The following ATP23 variants were observed in gnomAD, a reference collection of about 807,000 sequenced individuals.
ATP23 encodes the protein ATP23 metallopeptidase and ATP synthase assembly factor homolog.
In ATP23, 24 loss-of-function variants were observed where a neutral mutation model predicts 28.5. That is an observed-to-expected ratio of 0.84 (90% confidence interval 0.61 to 1.18). The LOEUF (loss-of-function observed/expected upper bound fraction) is 1.18, where lower values mean the gene tolerates loss of function less well. ATP23 is among the 50% of genes most tolerant of loss of function. The probability of loss-of-function intolerance (pLI) is 0.00; values close to 1 mark genes in which losing one functional copy is unlikely to be tolerated. For missense variants in ATP23, 274 were observed against 306.4 expected (o/e 0.89, Z 0.79); for synonymous variants, 99 against 108.6 (o/e 0.91, Z 0.55).
chr12:57,944,940 G>T (rs999569883), intron 1 of ATP23, among the ~76,000 whole-genome samples: 12 of 152,142 alleles, frequency 7.9e-5, no homozygotes, highest in African/African-American at 2.9e-4. Flanking sequence ...TGGTATTGCC[G>T]GTATGATCTG....
At position 57,958,532 on chromosome 12, in the gene ATP23, G is replaced by A. The variant is rs1956889990; in HGVS notation, c.*1642G>A. On this transcript the variant is annotated 3_prime_UTR_variant, in exon 6 of 6. Coordinates refer to ENST00000300145, the MANE Select transcript of ATP23 (RefSeq NM_033276.4). ...AACAGGTGCTGGTATCCACAGCCGA[G>A]AGACCCATAGACGGTTCACATCACA... Among the ~76,000 whole-genome samples, 1 of 152,158 alleles carries A rather than the reference G, an allele frequency of 6.6e-6. No individual in the cohort carries two copies. The highest frequency in any genetic ancestry group is 2.4e-5 in the African/African-American group (1 of 41,426).
At chr12:57,944,969 G>A (rs976507544) in intron 1 of ATP23, among the ~76,000 whole-genome samples, 1 of 152,270 alleles carries the variant, frequency 6.6e-6, no homozygotes, top group East Asian at 1.9e-4. Context: ...AGAACAGTGT[G>A]GCTACTGGCT....
chr12:57,942,419 A>G (rs1380401517), intron 1 of ATP23, among the ~76,000 whole-genome samples: 1 of 144,624 alleles, frequency 6.9e-6, no homozygotes, highest in Non-Finnish European at 1.5e-5. Flanking sequence ...GTGTGCCCCT[A>G]AGTGCATTTT....
intron 1 of ATP23, among the ~76,000 whole-genome samples, chr12:57,942,649 T>C (rs548667248): frequency 6.6e-6 from 1 of 152,270 alleles, no homozygotes; most frequent in East Asian, 1.9e-4. Context: ...GGTCTTGATC[T>C]CCTGACCTCG....
In ATP23 at chr12:57,941,819, G is replaced by A. The variant is rs773393880; in HGVS notation, c.118G>A (p.Gly40Arg). The A allele has an allele frequency of 1.4e-5, 23 of 1,612,740 alleles. No homozygotes were observed. Among genetic ancestry groups the A allele is most frequent in the Non-Finnish European group, 1.9e-5 (22 of 1,179,588 alleles). The change falls in exon 1 of 6, where the codon GGG (glycine) becomes AGG (arginine). Residue 40 changes from glycine (G) to arginine (R), a missense_variant. By Grantham distance (125) the Gly-to-Arg change is moderately radical. Coordinates refer to ENST00000300145, the MANE Select transcript of ATP23 (RefSeq NM_033276.4). ...TCTGGCCCAGGGGAATCCCCAGCAA[G>A]GGTTCTTCTCCAGCTTCTTCACCAG... Reference protein sequence around the residue: ...ERLAQGNPQQGFFSSFFTSNQ... With the variant: ...ERLAQGNPQQRFFSSFFTSNQ...
intron 1 of ATP23, among the ~76,000 whole-genome samples, chr12:57,944,614 C>A (rs895197906): frequency 7.2e-5 from 11 of 152,238 alleles, no homozygotes; most frequent in Non-Finnish European, 1.6e-4. Context: ...AATCTACTGT[C>A]TATTGTTTCA....
Position 57,941,759 on chromosome 12 carries a change from CA to C in ATP23, c.59del (p.Gln20ArgfsTer38). 6.3e-7 allele frequency: 1 copy of C among 1,599,318 alleles called. No homozygotes were observed. Among genetic ancestry groups the C allele is most frequent in the South Asian group, 1.1e-5 (1 of 89,076 alleles). On this transcript the variant is annotated frameshift_variant, in exon 1 of 6. Coordinates refer to ENST00000300145, the MANE Select transcript of ATP23 (RefSeq NM_033276.4). LOFTEE classifies it high-confidence loss of function. ...RGPAAGEQLQ[Q>X]QHVSCQVFPE... ...CCCCGCGGCAGGGGAGCAGCTGCAG[CA>C]GCAACACGTCTCTTGCCAGGTCTTC...
Position 57,957,418 on chromosome 12 carries a change from T to C in ATP23, c.*528T>C, listed in dbSNP as rs1956878993. 6.6e-6 allele frequency: 1 copy of C among 152,658 alleles called. No homozygotes were observed. The highest frequency in any genetic ancestry group is 1.5e-5 in the Non-Finnish European group (1 of 68,462). 9.5% of individuals were successfully genotyped at this position (152,658 alleles called of 1,614,324 possible). A position where few individuals can be genotyped will look rare whatever the true frequency, so the allele number is the denominator to read the frequency against. On this transcript the variant is annotated 3_prime_UTR_variant, in exon 6 of 6. Coordinates refer to ENST00000300145, the MANE Select transcript of ATP23 (RefSeq NM_033276.4). ...TTTTCTGGGGACAGTCCTGGTTAGA[T>C]CTTTTTCTTTTTAATAAAGGCAGTG...
At chr12:57,945,117 G>T (rs1009055856) in intron 1 of ATP23, among the ~76,000 whole-genome samples, 4 of 152,340 alleles carry the variant, frequency 2.6e-5, no homozygotes, top group East Asian at 1.9e-4. Context: ...AGTTGATATT[G>T]TCTAAGATGC....
chr12:57,941,939 G>A (rs1398536795), intron 1 of ATP23, 51 bp downstream of exon 1: 1 of 1,586,152 alleles, frequency 6.3e-7, no homozygotes, highest in Non-Finnish European at 8.6e-7. Flanking sequence ...GTCTGAGACC[G>A]GGTGGGCGAG....
At chr12:57,953,459 C>T (rs1377010318) in intron 4 of ATP23, 147 bp from the exon 5 acceptor site, 3 of 649,084 alleles carry the variant, frequency 4.6e-6, no homozygotes, top group Non-Finnish European at 7.8e-6. Flanking sequence ...TTTAAAAAGT[C>T]CTTTAAGAAG....
chr12:57,946,936 A>G, intron 2 of ATP23, 59 bp from the exon 3 acceptor site: 4 of 1,521,438 alleles, frequency 2.6e-6, no homozygotes, highest in Non-Finnish European at 2.7e-6. Context: ...GCCCTGGCCC[A>G]GGGCTGTTTG....
rs777020065 is a variant in ATP23, at chr12:57,953,734, T to C, written c.537+45T>C. The C allele has an allele frequency of 6.1e-6, 9 of 1,476,726 alleles. No homozygotes were observed. In the East Asian group the frequency reaches 2.0e-4, roughly 33 times the overall value. 91.5% of individuals were successfully genotyped at this position (1,476,726 alleles called of 1,614,324 possible). Reference sequence around the variant, plus strand: ...CACTTCCCCTCCAGAGTGTTACGAGTGGAAATAATGAATAAAGAAATGAAA... The same window carrying C: ...CACTTCCCCTCCAGAGTGTTACGAGCGGAAATAATGAATAAAGAAATGAAA... On this transcript the variant is annotated intron_variant, in intron 5 of 5. Coordinates refer to ENST00000300145, the MANE Select transcript of ATP23 (RefSeq NM_033276.4).
rs970758489 is a variant in ATP23 at position 57,958,612 on chromosome 12, G to A, written c.*1722G>A. ...GCATGGAGCTGGGTAGACTCACTGGGTGGCTAGACCCAGAAGAGAGACAAC... is the reference window on the plus strand; with the variant it reads ...GCATGGAGCTGGGTAGACTCACTGGATGGCTAGACCCAGAAGAGAGACAAC... On this transcript the variant is annotated 3_prime_UTR_variant, in exon 6 of 6. Coordinates refer to ENST00000300145, the MANE Select transcript of ATP23 (RefSeq NM_033276.4). 1.3e-5 allele frequency among the ~76,000 whole-genome samples: 2 copies of A among 152,222 alleles called. No homozygotes were observed. Among genetic ancestry groups the A allele is most frequent in the Admixed American group, 6.5e-5 (1 of 15,290 alleles).
At chr12:57,955,279 T>C (rs1465670494) in intron 5 of ATP23, among the ~76,000 whole-genome samples, 1 of 123,960 alleles carries the variant, frequency 8.1e-6, no homozygotes, top group Non-Finnish European at 1.7e-5. Context: ...AAATAGAGCA[T>C]GTTTTTTTTT....
chr12:57,953,747 T>C, intron 5 of ATP23, 58 bp downstream of exon 5: 1 of 1,425,834 alleles, frequency 7.0e-7, no homozygotes, highest in Non-Finnish European at 9.9e-7. Context: ...AAATAATGAA[T>C]AAAGAAATGA....
intron 3 of ATP23, among the ~76,000 whole-genome samples, chr12:57,947,604 G>A (rs1037688115): frequency 7.2e-5 from 11 of 152,188 alleles, no homozygotes; most frequent in African/African-American, 2.2e-4. Context: ...TTACCTTTAC[G>A]TGGTGAGAAT....
chr12:57,958,813 G>C lies in ATP23; in HGVS notation c.*1923G>C, dbSNP rs986600268. On this transcript the variant is annotated 3_prime_UTR_variant, in exon 6 of 6. Coordinates refer to ENST00000300145, the MANE Select transcript of ATP23 (RefSeq NM_033276.4). ...ACCAGAAAACTAACCCTGGTAATAT[G>C]ACAAAACAAAAGCTCTTTAACACCC... is the stretch of plus-strand genomic sequence containing the variant. 2.0e-5 allele frequency among the ~76,000 whole-genome samples: 3 copies of C among 152,142 alleles called. No homozygotes were observed. Among genetic ancestry groups the C allele is most frequent in the African/African-American group, 7.2e-5 (3 of 41,432 alleles).
At chr12:57,942,319 T>C (rs1956713058) in intron 1 of ATP23, among the ~76,000 whole-genome samples, 1 of 152,158 alleles carries the variant, frequency 6.6e-6, no homozygotes, top group African/African-American at 2.4e-5. Context: ...TTTGCAAACC[T>C]ACCGTTCCTT....
Sources: gnomAD v4.1 joint callset for allele counts (sites outside exome capture counted in the v4.1 genomes callset) on GRCh38, gnomAD v4.1.1 for gene constraint, MANE v1.5 for transcripts, NCBI Gene and HGNC (gene_info 2026-07-23, HGNC 2026-07-21) for gene names.